The following LNX1 variants were observed in gnomAD, a reference collection of about 807,000 sequenced individuals.
LNX1 encodes ligand of numb-protein X 1, also known as E3 ubiquitin-protein ligase LNX.
LNX1 carries 54 observed loss-of-function variants against 68.4 expected under a neutral mutation model. That is an observed-to-expected ratio of 0.79 (90% CI 0.63 to 0.99). The LOEUF is 0.99. Ranked by LOEUF, LNX1 falls within the 50% of genes least tolerant of loss-of-function variation. LNX1 has a pLI of 0.00. For synonymous variants in LNX1, 336 were observed against 350.0 expected (o/e 0.96, Z 0.45); for missense variants, 906 against 926.4 (o/e 0.98, Z 0.29).
At chr4:53,600,699 A>G (rs1271723824) in intron 2 of LNX1, among the ~76,000 whole-genome samples, 1 of 151,282 alleles carries the variant, frequency 6.6e-6, no homozygotes, top group Non-Finnish European at 1.5e-5. Context: ...ACCTGGATGG[A>G]CGGCCTCTGT....
intron 1 of LNX1, among the ~76,000 whole-genome samples, chr4:53,583,517 T>C (rs983942078): frequency 4.6e-5 from 7 of 151,750 alleles, no homozygotes; most frequent in African/African-American, 1.7e-4. Flanking sequence ...TGAATGACAT[T>C]AGCCTGTATA....
In LNX1 at chr4:53,543,408, C is replaced by A. The variant is rs184086703; in HGVS notation, c.380+30215G>T. Among the ~76,000 whole-genome samples, 208 of 152,286 alleles carry A rather than the reference C, an allele frequency of 1.4e-3. 1 individual carries two copies. The highest frequency in any genetic ancestry group is 4.8e-3 in the African/African-American group (201 of 41,572). ...CCTAGAACATGCCTGATATGTCATA[C>A]ACATTTGATAAGTATTTGTTATTAA... On this transcript the variant is annotated intron_variant, in intron 2 of 10. Coordinates refer to ENST00000263925, the MANE Select transcript of LNX1 (RefSeq NM_001126328.3).
At position 53,574,073 on chromosome 4, in the gene LNX1, G is replaced by A; in HGVS notation, c.-71C>T. 6.5e-7 allele frequency: 1 copy of A among 1,530,262 alleles called. No homozygotes were observed. The highest frequency in any genetic ancestry group is 8.8e-7 in the Non-Finnish European group (1 of 1,140,772). The allele number at this position is 1,530,262 out of a possible 1,614,324, so 94.8% of individuals were successfully genotyped here. ...TTCCTCAGGAGCAAGTCAAGATCTA[G>A]GAGACATCCACACACCTAAAAAAGA... is the stretch of plus-strand genomic sequence containing the variant. On this transcript the variant is annotated 5_prime_UTR_variant, in exon 2 of 11. Coordinates refer to ENST00000263925, the MANE Select transcript of LNX1 (RefSeq NM_001126328.3).
chr4:53,468,033 T>A, intron 9 of LNX1, among the ~76,000 whole-genome samples: 1 of 152,008 alleles, frequency 6.6e-6, no homozygotes, highest in East Asian at 1.9e-4. Flanking sequence ...CCAAGACACA[T>A]AATTGTCAGA....
chr4:53,575,013 G>A (rs1400648022), intron 1 of LNX1, among the ~76,000 whole-genome samples: 2 of 150,236 alleles, frequency 1.3e-5, no homozygotes, highest in East Asian at 2.0e-4. Context: ...ACGGAGTCTT[G>A]CTCTGTTGCC....
At chr4:53,513,391 A>G (rs1387246311) in intron 2 of LNX1, among the ~76,000 whole-genome samples, 1 of 152,132 alleles carries the variant, frequency 6.6e-6, no homozygotes, top group African/African-American at 2.4e-5. Flanking sequence ...TCAGAGGTGG[A>G]GCTAGACTCT....
At chr4:53,633,349 A>C (rs1306991373) in intron 1 of LNX1, among the ~76,000 whole-genome samples, 1 of 152,076 alleles carries the variant, frequency 6.6e-6, no homozygotes, top group Admixed American at 6.5e-5. Context: ...TAACTTTCTT[A>C]GTCTCTATTC....
chr4:53,464,694 G>A (rs1286075099), intron 9 of LNX1, among the ~76,000 whole-genome samples: 1 of 152,034 alleles, frequency 6.6e-6, no homozygotes, highest in Non-Finnish European at 1.5e-5. Context: ...CAGAGGATAA[G>A]GGATAACTAA....
At chr4:53,585,773 C>T (rs1732134383) in intron 1 of LNX1, among the ~76,000 whole-genome samples, 1 of 152,160 alleles carries the variant, frequency 6.6e-6, no homozygotes, top group Non-Finnish European at 1.5e-5. Flanking sequence ...AGGAGTGTGG[C>T]CCTGCTGTTA....
At chr4:53,501,317 A>C (rs1365673267) in intron 4 of LNX1, among the ~76,000 whole-genome samples, 1 of 122,628 alleles carries the variant, frequency 8.2e-6, no homozygotes, top group Non-Finnish European at 1.7e-5. Flanking sequence ...GGGGGACAGG[A>C]TCTCACTCTG....
intron 2 of LNX1, among the ~76,000 whole-genome samples, chr4:53,599,360 A>G (rs968661982): frequency 3.3e-5 from 5 of 152,192 alleles, no homozygotes; most frequent in Non-Finnish European, 7.4e-5. Flanking sequence ...CATTAGCGCC[A>G]TGATGGTTTA....
At chr4:53,553,665 G>A (rs1324019888) in intron 2 of LNX1, among the ~76,000 whole-genome samples, 1 of 152,124 alleles carries the variant, frequency 6.6e-6, no homozygotes, top group Non-Finnish European at 1.5e-5. Context: ...GCGGATGAGG[G>A]CATGTGGGGA....
At chr4:53,552,432 T>G (rs910029995) in intron 2 of LNX1, among the ~76,000 whole-genome samples, 2 of 152,226 alleles carry the variant, frequency 1.3e-5, no homozygotes, top group East Asian at 3.8e-4. Context: ...TCCACTTTTC[T>G]GTAACTAGCT....
In LNX1 at chr4:53,507,319, T is replaced by C. The variant is rs1725965903; in HGVS notation, c.773A>G (p.Glu258Gly). The change falls in exon 4 of 11, where the codon GAA (glutamate) becomes GGA (glycine). Residue 258 changes from glutamate to glycine, a missense_variant and splice_region_variant. Physicochemically the swap from Glu to Gly is moderately conservative, Grantham distance 98 (BLOSUM62 -2). Transcript: ENST00000263925. ...AGCCTTATGGGGAGTTCATTTACCTTCAGGGGCAGTGGTGTTTTCAGAATT... is the reference window on the plus strand; with the variant it reads ...AGCCTTATGGGGAGTTCATTTACCTCCAGGGGCAGTGGTGTTTTCAGAATT... Reference protein sequence around the residue: ...RENSENTTAPEVFPRLYHLIP... With the variant: ...RENSENTTAPGVFPRLYHLIP... The C allele has an allele frequency of 6.2e-7, 1 of 1,613,984 alleles. No homozygotes were observed. Among genetic ancestry groups the C allele is most frequent in the Non-Finnish European group, 8.5e-7 (1 of 1,179,966 alleles).
At chr4:53,602,008 C>T (rs1484708289) in intron 2 of LNX1, among the ~76,000 whole-genome samples, 2 of 152,150 alleles carry the variant, frequency 1.3e-5, no homozygotes, top group South Asian at 4.2e-4. Context: ...CCATTGTCCT[C>T]CCCTGGAAAT....
intron 2 of LNX1, among the ~76,000 whole-genome samples, chr4:53,598,996 G>A (rs145352117): frequency 2.7e-4 from 41 of 152,320 alleles, no homozygotes; most frequent in African/African-American, 8.9e-4. Flanking sequence ...TAACAGAGGA[G>A]TGTTACAGAT....
chr4:53,617,703 G>T (rs969988679), upstream of LNX1, among the ~76,000 whole-genome samples: 10 of 152,260 alleles, frequency 6.6e-5, no homozygotes, highest in Non-Finnish European at 1.2e-4. Context: ...TGAAGTTAAG[G>T]CAAAAGGATT....
intron 6 of LNX1, among the ~76,000 whole-genome samples, chr4:53,489,500 T>A (rs1724542190): frequency 6.6e-6 from 1 of 152,194 alleles, no homozygotes; most frequent in African/African-American, 2.4e-5. Context: ...TGACTCAGCA[T>A]CCTTGCCTCA....
intron 2 of LNX1, among the ~76,000 whole-genome samples, chr4:53,553,227 G>A (rs1292203339): frequency 2.0e-5 from 3 of 152,142 alleles, no homozygotes; most frequent in African/African-American, 4.8e-5. Flanking sequence ...TTTCAACAGG[G>A]AAAGTCAGGG....
Sources: gnomAD v4.1 joint callset for allele counts (sites outside exome capture counted in the v4.1 genomes callset) on GRCh38, gnomAD v4.1.1 for gene constraint, MANE v1.5 for transcripts, NCBI Gene and HGNC (gene_info 2026-07-23, HGNC 2026-07-21) for gene names.